Variants in LRMDA observed in about 807,000 individuals in gnomAD.
LRMDA encodes leucine rich melanocyte differentiation associated, also known as leucine-rich melanocyte differentiation-associated protein.
Under a neutral mutation model 29.8 loss-of-function variants are expected in LRMDA, and 18 were observed. That is an observed-to-expected ratio of 0.60 (90% CI 0.42 to 0.90). The LOEUF (loss-of-function observed/expected upper bound fraction) is 0.90, where lower values mean the gene tolerates loss of function less well. Ranked by LOEUF, LRMDA falls within the 40% of genes least tolerant of loss-of-function variation. LRMDA has a pLI of 0.00. For missense variants in LRMDA, 273 were observed against 273.9 expected, an observed-to-expected ratio of 1.00 and a Z score of 0.02; for synonymous variants, 125 against 109.4, an observed-to-expected ratio of 1.14 and a Z score of -0.89.
At chr10:75,685,238 G>GA (rs543076170) in intron 2 of LRMDA, among the ~76,000 whole-genome samples, 2,521 of 148,566 alleles carry the variant, frequency 0.017, 41 homozygotes, top group Middle Eastern at 0.034. Context: ...CCAGAGGCTT[G>GA]AAAAAAAAAA....
intron 2 of LRMDA, among the ~76,000 whole-genome samples, chr10:75,629,685 G>A (rs1202944789): frequency 6.6e-6 from 1 of 152,118 alleles, no homozygotes; most frequent in Non-Finnish European, 1.5e-5. Context: ...ATTTTGAATG[G>A]CATTTATATC....
intron 6 of LRMDA, among the ~76,000 whole-genome samples, chr10:76,437,910 A>T (rs1842261382): frequency 2.0e-5 from 3 of 152,158 alleles, no homozygotes; most frequent in Non-Finnish European, 4.4e-5. Context: ...TAACAACCAT[A>T]AGGTAGGTTG....
chr10:76,378,079 T>C (rs946513110), intron 6 of LRMDA, among the ~76,000 whole-genome samples: 2 of 152,170 alleles, frequency 1.3e-5, no homozygotes, highest in African/African-American at 4.8e-5. Context: ...GTTTTGTAGT[T>C]CTTTTTGTTA....
At chr10:75,812,045 T>C (rs2132272292) in intron 2 of LRMDA, among the ~76,000 whole-genome samples, 1 of 151,392 alleles carries the variant, frequency 6.6e-6, no homozygotes, top group East Asian at 1.9e-4. Flanking sequence ...CCCTTTAGAA[T>C]GCCATTAAAA....
chr10:76,130,677 G>C (rs1162149106), intron 5 of LRMDA, among the ~76,000 whole-genome samples: 1 of 151,714 alleles, frequency 6.6e-6, no homozygotes, highest in Admixed American at 6.6e-5. Flanking sequence ...TTTTTTTTAT[G>C]AGACGAAGTT....
chr10:75,503,880 A>G (rs1845142541), intron 2 of LRMDA, among the ~76,000 whole-genome samples: 2 of 152,178 alleles, frequency 1.3e-5, no homozygotes, highest in African/African-American at 2.4e-5. Context: ...GGAAAGGTCA[A>G]CAATCTGGAA....
intron 6 of LRMDA, among the ~76,000 whole-genome samples, chr10:76,541,388 C>G (rs148897441): frequency 0.015 from 2,242 of 152,262 alleles, 62 homozygotes; most frequent in African/African-American, 0.051. Context: ...GTGATCCCAG[C>G]TACTTGGGAG....
intron 2 of LRMDA, among the ~76,000 whole-genome samples, chr10:75,604,399 A>G (rs540494533): frequency 1.3e-5 from 2 of 152,262 alleles, no homozygotes; most frequent in South Asian, 2.1e-4. Context: ...GGACACAAAA[A>G]TTCAATTTAT....
At chr10:76,243,641 C>T (rs1436567448) in intron 5 of LRMDA, among the ~76,000 whole-genome samples, 2 of 152,184 alleles carry the variant, frequency 1.3e-5, no homozygotes, top group African/African-American at 4.8e-5. Flanking sequence ...GGCTGTGTTT[C>T]TCTGTACTGT....
chr10:76,507,650 C>T (rs984138991), intron 6 of LRMDA, among the ~76,000 whole-genome samples: 1 of 151,994 alleles, frequency 6.6e-6, no homozygotes, highest in Admixed American at 6.6e-5. Flanking sequence ...AGTTTTTAAT[C>T]CATTTTTATT....
At chr10:76,256,482 G>T (rs1180649006) in intron 5 of LRMDA, among the ~76,000 whole-genome samples, 2 of 152,160 alleles carry the variant, frequency 1.3e-5, no homozygotes, top group Non-Finnish European at 2.9e-5. Flanking sequence ...TCAAGGGCAG[G>T]GGGGAAGACA....
chr10:76,289,930 G>A (rs1371261769), intron 5 of LRMDA, among the ~76,000 whole-genome samples: 1 of 152,184 alleles, frequency 6.6e-6, no homozygotes, highest in Non-Finnish European at 1.5e-5. Context: ...TGTTGATTCT[G>A]AGAGAAGAAT....
chr10:75,616,569 G>T (rs1445297737), intron 2 of LRMDA, among the ~76,000 whole-genome samples: 1 of 152,170 alleles, frequency 6.6e-6, no homozygotes, highest in African/African-American at 2.4e-5. Context: ...TGGTATGCCT[G>T]GTATGTACAT....
intron 2 of LRMDA, among the ~76,000 whole-genome samples, chr10:75,670,649 G>GCGTT (rs1167712144): frequency 3.3e-5 from 5 of 152,144 alleles, no homozygotes; most frequent in African/African-American, 1.2e-4. Context: ...AGCTTGGTGT[G>GCGTT]CGTTGACCAT....
chr10:75,741,060 A>C (rs755790902), intron 2 of LRMDA, among the ~76,000 whole-genome samples: 4 of 152,200 alleles, frequency 2.6e-5, no homozygotes, highest in Non-Finnish European at 5.9e-5. Flanking sequence ...CCACTAGCTT[A>C]GCAGCATGAA....
chr10:76,316,984 T>G (rs1253883462), intron 5 of LRMDA, among the ~76,000 whole-genome samples: 1 of 152,170 alleles, frequency 6.6e-6, no homozygotes, highest in African/African-American at 2.4e-5. Context: ...ACTGTCAAAT[T>G]AGGACTGGCC....
chr10:75,802,778 G>T (rs1050499443), intron 2 of LRMDA, among the ~76,000 whole-genome samples: 9 of 151,950 alleles, frequency 5.9e-5, no homozygotes, highest in African/African-American at 2.2e-4. Flanking sequence ...CCAATTTAAT[G>T]TCTTAAGGGT....
chr10:75,830,284 G>T lies in LRMDA; in HGVS notation c.132-205724G>T, dbSNP rs140408165. Among the ~76,000 whole-genome samples, 59 of 152,268 alleles carry T rather than the reference G, an allele frequency of 3.9e-4. No homozygotes were observed. In the Middle Eastern group the frequency reaches 0.01, roughly 26 times the overall value. ...TGGACTTGACCCTACATCTCCTGCT[G>T]ATCTTTGTGTATGCCAGGGGTTTGG... On this transcript the variant is annotated intron_variant, in intron 2 of 6. Transcript: ENST00000611255.
intron 2 of LRMDA, among the ~76,000 whole-genome samples, chr10:75,990,552 C>T (rs1056172590): frequency 1.3e-5 from 2 of 152,172 alleles, no homozygotes; most frequent in Non-Finnish European, 2.9e-5. Context: ...TTATGGTAAA[C>T]CCCTTTATAA....
Sources: allele counts gnomAD v4.1 joint callset (sites outside exome capture counted in the v4.1 genomes callset), GRCh38; gene constraint gnomAD v4.1.1; transcripts MANE v1.5; gene names NCBI Gene and HGNC (gene_info 2026-07-23, HGNC 2026-07-21).